The following PUS10 variants were observed in gnomAD, a reference collection of about 807,000 sequenced individuals.
PUS10 encodes the protein pseudouridine synthase 10.
In PUS10, 59 loss-of-function variants were observed where a neutral mutation model predicts 75.0. The ratio of observed to expected loss-of-function variants is 0.79; its 90% CI spans 0.64 to 0.98. The LOEUF (loss-of-function observed/expected upper bound fraction) is 0.98. PUS10 is among the 50% of genes least tolerant of loss of function. The pLI is 0.00. For synonymous variants in PUS10, 219 were observed against 211.6 expected (o/e 1.03, Z -0.30); for missense variants, 650 against 614.4 (o/e 1.06, Z -0.61).
intron 4 of PUS10, among the ~76,000 whole-genome samples, chr2:60,991,659 AATTAGTACT>A (rs1678086813): frequency 2.6e-5 from 4 of 152,156 alleles, no homozygotes; most frequent in Non-Finnish European, 5.9e-5. Context: ...GTACCAATTT[AATTAGTACT>A]TTTAAGAGTA....
chr2:60,948,068 G>A lies in PUS10; in HGVS notation c.1426C>T (p.Leu476Phe), dbSNP rs1675087134. 1.9e-6 allele frequency: 3 copies of A among 1,614,156 alleles called. No homozygotes were observed. The highest frequency in any genetic ancestry group is 2.2e-5 in the South Asian group (2 of 91,082). Residue 476 changes from leucine (L) to phenylalanine (F), a missense_variant, in exon 16 of 18, where the codon CTC (leucine) becomes TTC (phenylalanine). Coordinates refer to ENST00000316752, the MANE Select transcript of PUS10 (RefSeq NM_144709.4). ...GTGCCAGCCTGAGTTTTCAAGTGGA[G>A]GCGGAAGTGGTGCTCATCCACGTAC... ...TQYVDEHHFR[L>F]HLKTQAGTYI...
intron 11 of PUS10, among the ~76,000 whole-genome samples, chr2:60,959,731 C>A (rs531188800): frequency 6.6e-6 from 1 of 152,156 alleles, no homozygotes; most frequent in Non-Finnish European, 1.5e-5. Context: ...TTCTCGAGTG[C>A]CTTGGCTGAA....
rs12988616 is a variant in PUS10, at chr2:61,017,528, A to C, written c.-16+480T>G. 0.18 allele frequency: 93,966 copies of C among 512,166 alleles called. 10,994 individuals are homozygous for C. The highest frequency in any genetic ancestry group is 0.39 in the African/African-American group (20,366 of 51,644). The allele number at this position is 512,166 out of a possible 1,614,324, so 31.7% of individuals were successfully genotyped here. On this transcript the variant is annotated intron_variant, in intron 1 of 17. Coordinates refer to ENST00000316752, the MANE Select transcript of PUS10 (RefSeq NM_144709.4). ...TGAGCCTTTACCCTGAGGTTTAGAA[A>C]GGCAGCTCTTTCTGGGGCAAATACA...
intron 11 of PUS10, among the ~76,000 whole-genome samples, chr2:60,959,894 T>C (rs1675908937): frequency 6.6e-6 from 1 of 151,954 alleles, no homozygotes; most frequent in African/African-American, 2.4e-5. Context: ...GTATTAAATA[T>C]ATGGCCAAGT....
Position 61,006,630 on chromosome 2 carries a change from A to T in PUS10, c.395T>A (p.Val132Asp). 1 of 1,611,404 alleles carries T rather than the reference A, an allele frequency of 6.2e-7. No individual in the cohort carries two copies. The highest frequency in any genetic ancestry group is 8.5e-7 in the Non-Finnish European group (1 of 1,178,984). ...KDFIKKVCQK[V>D]EASGFEFTSL... ...GGTGAATTCAAACCCAGAGGCCTCA[A>T]CCTTTTGGCACACCTGAAAAAGCAT... Residue 132 changes from valine to aspartate, a missense_variant, in exon 4 of 18, where the codon GTT becomes GAT. By Grantham distance (152) the Val-to-Asp change is radical. Transcript: ENST00000316752.
rs78832049 is a variant in PUS10, at chr2:60,959,170, T to C, written c.1000+1222A>G. On this transcript the variant is annotated intron_variant, in intron 11 of 17. Transcript: ENST00000316752. ...GCTGTTGATTTACTTTCTCTAGGCC[T>C]GAACTTTATTCCAGGACACTTTACA... Among the ~76,000 whole-genome samples, 999 of 152,342 alleles carry C rather than the reference T, an allele frequency of 6.6e-3. 8 individuals carry two copies. Among genetic ancestry groups the C allele is most frequent in the African/African-American group, 0.023 (946 of 41,586 alleles).
chr2:60,987,941 T>A (rs1474666155), intron 4 of PUS10, among the ~76,000 whole-genome samples: 2 of 147,662 alleles, frequency 1.4e-5, no homozygotes, highest in East Asian at 3.9e-4. Context: ...AAAAAAAAAT[T>A]AGCCAGGCAT....
chr2:60,991,771 A>T (rs1678096384), intron 4 of PUS10, among the ~76,000 whole-genome samples: 2 of 152,210 alleles, frequency 1.3e-5, no homozygotes, highest in Non-Finnish European at 2.9e-5. Flanking sequence ...AATTCTCATT[A>T]TCCCTAATTC....
intron 4 of PUS10, among the ~76,000 whole-genome samples, chr2:60,977,940 A>T (rs1277306483): frequency 6.6e-6 from 1 of 152,226 alleles, no homozygotes; most frequent in African/African-American, 2.4e-5. Context: ...CCATGAGCAA[A>T]CCCATGAACT....
At chr2:60,989,672 G>A (rs572274938) in intron 4 of PUS10, among the ~76,000 whole-genome samples, 1 of 150,630 alleles carries the variant, frequency 6.6e-6, no homozygotes, top group Admixed American at 6.6e-5. Flanking sequence ...CACTCTTGTT[G>A]CCCAAGTGCA....
chr2:60,965,551 A>G (rs1460205349), intron 6 of PUS10, 67 bp from the exon 7 acceptor site: 10 of 1,106,938 alleles, frequency 9.0e-6, no homozygotes, highest in Non-Finnish European at 2.6e-6. Context: ...TTATTAATGG[A>G]AATAGAAATT....
intron 1 of PUS10, among the ~76,000 whole-genome samples, chr2:61,013,053 C>A (rs1254626634): frequency 1.3e-5 from 2 of 150,442 alleles, no homozygotes; most frequent in African/African-American, 4.9e-5. Context: ...AGTTTGAGAT[C>A]AGCCTGGGCA....
At chr2:60,949,534 A>C (rs1199117023) in intron 15 of PUS10, among the ~76,000 whole-genome samples, 2 of 152,124 alleles carry the variant, frequency 1.3e-5, no homozygotes, top group African/African-American at 4.8e-5. Flanking sequence ...GAGCTTTCAG[A>C]AGCACACAAA....
At position 60,942,415 on chromosome 2, in the gene PUS10, G is replaced by C. The variant is rs146653215; in HGVS notation, c.1570C>G (p.Pro524Ala). The change falls in exon 18 of 18, where the codon CCA (proline) becomes GCA (alanine). Residue 524 changes from proline to alanine, a missense_variant. By Grantham distance (27) the Pro-to-Ala change is conservative (BLOSUM62 -1). Coordinates refer to ENST00000316752, the MANE Select transcript of PUS10 (RefSeq NM_144709.4). The stretch of plus-strand genomic sequence containing the variant: ...GAAAGCTAGTCATCCAGAGCAGGTG[G>C]CCAGTCAACATCTACAGACTAGAAG... ...LDVESVDVDW[P>A]PALDD The C allele has an allele frequency of 1.2e-6, 2 of 1,613,172 alleles. No individual in the cohort carries two copies. The highest frequency in any genetic ancestry group is 2.7e-5 in the African/African-American group (2 of 74,902).
chr2:60,950,481 G>A (rs963342464), intron 15 of PUS10, among the ~76,000 whole-genome samples: 3 of 152,018 alleles, frequency 2.0e-5, no homozygotes, highest in South Asian at 2.1e-4. Flanking sequence ...GCTGTGGCGC[G>A]ATCTCAGCTC....
chr2:60,947,963 G>A, intron 16 of PUS10, 80 bp downstream of exon 16: 1 of 1,483,892 alleles, frequency 6.7e-7, no homozygotes, highest in Non-Finnish European at 9.4e-7. Flanking sequence ...AGACCAAGCT[G>A]ACCCTGTTTT....
rs563493134 is a variant in PUS10, at chr2:60,954,839, A to G, written c.1057+179T>C. 2.0e-5 allele frequency among the ~76,000 whole-genome samples: 3 copies of G among 152,338 alleles called. No individual in the cohort carries two copies. In the South Asian group the frequency reaches 6.2e-4, roughly 32 times the overall value. ...GGCCTCTGAAGAAATGATTCCTGTT[A>G]AGGTGTATTTCATATAATTCATAAA... On this transcript the variant is annotated intron_variant, in intron 12 of 17. Coordinates refer to ENST00000316752, the MANE Select transcript of PUS10 (RefSeq NM_144709.4).
At chr2:61,001,547 G>C (rs950123175) in intron 4 of PUS10, among the ~76,000 whole-genome samples, 2 of 152,156 alleles carry the variant, frequency 1.3e-5, no homozygotes, top group African/African-American at 4.8e-5. Flanking sequence ...AAAGTGCTGG[G>C]ATTATAGGCA....
intron 4 of PUS10, among the ~76,000 whole-genome samples, chr2:61,001,181 A>G (rs2104644941): frequency 6.6e-6 from 1 of 152,298 alleles, no homozygotes; most frequent in South Asian, 2.1e-4. Flanking sequence ...TGCTCTAAAC[A>G]TAACTTTAAG....
Sources: allele counts gnomAD v4.1 joint callset (sites outside exome capture counted in the v4.1 genomes callset), GRCh38; gene constraint gnomAD v4.1.1; transcripts MANE v1.5; gene names NCBI Gene and HGNC (gene_info 2026-07-23, HGNC 2026-07-21).